The following UNKL variants were observed in gnomAD, a reference collection of about 807,000 sequenced individuals.
UNKL encodes the protein putative E3 ubiquitin-protein ligase UNKL.
In UNKL, 60 loss-of-function variants were observed where a neutral mutation model predicts 78.0. The observed-to-expected ratio is 0.77, with a 90% CI of 0.63 to 0.95. The LOEUF (loss-of-function observed/expected upper bound fraction) is 0.95. Ranked by LOEUF, UNKL falls within the 40% of genes least tolerant of loss-of-function variation. The pLI is 0.00. For synonymous variants in UNKL, 608 were observed against 474.8 expected (o/e 1.28, Z -3.65); for missense variants, 1,159 against 1,045.7 (o/e 1.11, Z -1.49).
chr16:1,401,477 C>T, intron 4 of UNKL, 91 bp downstream of exon 4: 1 of 1,355,952 alleles, frequency 7.4e-7, no homozygotes, highest in South Asian at 1.9e-5. Context: ...TGCACGTAAA[C>T]TGAAAGGCAC....
In UNKL at chr16:1,406,218, AT is replaced by A. The variant is rs11410204; in HGVS notation, c.288-2875del. 8.9e-3 allele frequency: 2,583 copies of A among 290,806 alleles called. 1 individual carries two copies. Among genetic ancestry groups the A allele is most frequent in the South Asian group, 0.014 (479 of 34,770 alleles). 18.0% of individuals were successfully genotyped at this position (290,806 alleles called of 1,614,324 possible). A position where few individuals can be genotyped will look rare whatever the true frequency, so the allele number is the denominator to read the frequency against. ...ACTCCCATGCCGGGCTATATTGCTA[AT>A]TTTTTTTTTTTTTGAGACAGAGTCT... On this transcript the variant is annotated intron_variant, in intron 2 of 14. Coordinates refer to ENST00000389221, the MANE Select transcript of UNKL (RefSeq NM_001372107.1).
chr16:1,398,640 A>C, intron 5 of UNKL: 6 of 1,437,044 alleles, frequency 4.2e-6, no homozygotes, highest in East Asian at 2.6e-5. Context: ...CAGGGAGGCC[A>C]AGGCCATGGC....
chr16:1,406,175 G>C, intron 2 of UNKL: 1 of 393,686 alleles, frequency 2.5e-6, no homozygotes, highest in Admixed American at 3.0e-5. Context: ...AGCTGGGGGT[G>C]ATGGGAGGAA....
chr16:1,396,988 C>A, intron 6 of UNKL, 190 bp downstream of exon 6: 1 of 603,250 alleles, frequency 1.7e-6, no homozygotes, highest in South Asian at 2.0e-5. Context: ...TGAGGGCAGC[C>A]CGAAGGCCAG....
At chr16:1,392,828 T>A (rs1278273856) in intron 8 of UNKL, 63 bp downstream of exon 8, 1 of 1,527,354 alleles carries the variant, frequency 6.5e-7, no homozygotes, top group Non-Finnish European at 8.9e-7. Context: ...TCCATCCACA[T>A]CCCTAAGAGT....
chr16:1,397,019 G>A (rs1158699587), intron 6 of UNKL, 159 bp downstream of exon 6: 3 of 717,096 alleles, frequency 4.2e-6, no homozygotes, highest in Non-Finnish European at 4.6e-6. Context: ...AAGCAAGCAG[G>A]TACAGCCCTC....
chr16:1,370,369 G>A lies in UNKL; in HGVS notation c.1358-12C>T, dbSNP rs763546888. The A allele has an allele frequency of 2.0e-5, 31 of 1,531,592 alleles. No homozygotes were observed. The highest frequency in any genetic ancestry group is 1.2e-4 in the Admixed American group (6 of 50,248). 94.9% of individuals were successfully genotyped at this position (1,531,592 alleles called of 1,614,324 possible). ...CAGCGACCTGGGACCTGGCGGGGGC[G>A]GACCAGTCAGCGAAGGGAGTACCGC... On this transcript the variant is annotated splice_polypyrimidine_tract_variant and intron_variant, in intron 11 of 14. Transcript: ENST00000389221.
intron 5 of UNKL, chr16:1,398,960 G>GC: frequency 6.5e-7 from 1 of 1,531,968 alleles, no homozygotes; most frequent in Non-Finnish European, 8.8e-7. Flanking sequence ...ACAAGATTGA[G>GC]CCCAGGTGAC....
intron 14 of UNKL, among the ~76,000 whole-genome samples, chr16:1,366,627 C>A (rs985321915): frequency 2.0e-5 from 3 of 152,188 alleles, no homozygotes; most frequent in African/African-American, 7.2e-5. Flanking sequence ...CCTCCTGGGG[C>A]CACCACAGAC....
chr16:1,391,229 C>T (rs1332849806), intron 8 of UNKL, among the ~76,000 whole-genome samples: 1 of 146,402 alleles, frequency 6.8e-6, no homozygotes, highest in East Asian at 2.0e-4. Flanking sequence ...TACTCTTGGT[C>T]CCTTAAAGAT....
At chr16:1,372,136 T>A (rs1055500359) in intron 10 of UNKL, among the ~76,000 whole-genome samples, 4 of 149,162 alleles carry the variant, frequency 2.7e-5, no homozygotes, top group Admixed American at 2.7e-4. Flanking sequence ...TGGTGGCGGG[T>A]GCCTGTAGTC....
intron 3 of UNKL, among the ~76,000 whole-genome samples, chr16:1,402,164 G>A (rs111684632): frequency 1.0e-4 from 15 of 150,508 alleles, no homozygotes; most frequent in African/African-American, 2.2e-4. Context: ...AGTGCCTCAC[G>A]GCCTCAACCC....
intron 10 of UNKL, among the ~76,000 whole-genome samples, chr16:1,382,402 T>C (rs919368155): frequency 2.0e-4 from 30 of 152,274 alleles, no homozygotes; most frequent in African/African-American, 5.8e-4. Flanking sequence ...GGCAGCCCCA[T>C]ACTCCCAGCC....
In UNKL at chr16:1,363,743, C is replaced by T. The variant is rs2035020802; in HGVS notation, c.*2497G>A. 1 of 162,304 alleles carries T rather than the reference C, an allele frequency of 6.2e-6. No individual in the cohort carries two copies. Among genetic ancestry groups the T allele is most frequent in the Admixed American group, 5.8e-5 (1 of 17,284 alleles). The allele number at this position is 162,304 out of a possible 1,614,324, so 10.1% of individuals were successfully genotyped here. A position where few individuals can be genotyped will look rare whatever the true frequency, so the allele number is the denominator to read the frequency against. Reference sequence around the variant, plus strand: ...AGGGAGGCCCCAGGGCACACAGCCCCAGGATCTTGCCCCCATTTCCAACCC... The same window carrying T: ...AGGGAGGCCCCAGGGCACACAGCCCTAGGATCTTGCCCCCATTTCCAACCC... On this transcript the variant is annotated 3_prime_UTR_variant, in exon 15 of 15. Coordinates refer to ENST00000389221, the MANE Select transcript of UNKL (RefSeq NM_001372107.1).
chr16:1,377,854 T>C (rs2036346999), intron 10 of UNKL, among the ~76,000 whole-genome samples: 1 of 152,108 alleles, frequency 6.6e-6, no homozygotes, highest in Admixed American at 6.5e-5. Context: ...CAGGATCCCT[T>C]CCTCATGGGC....
In UNKL at chr16:1,399,508, A is replaced by G. The variant is rs1475048459; in HGVS notation, c.600T>C (p.Asp200=). ...TGTAGCTGCCCAGCACGAAGTTGGC[A>G]TCTGAAAAATGGGCCACACGGTGCC... ...KILSEDPRWQ[D]ANFVLGSYKT... is the part of the protein sequence containing the mutation. Residue 200 remains aspartate (D), a splice_region_variant and synonymous_variant, in exon 5 of 15, where the codon GAT becomes GAC. Coordinates refer to ENST00000389221, the MANE Select transcript of UNKL (RefSeq NM_001372107.1). This position sits in a 1 kb window ranked among gnomAD's most constrained non-coding sequence, Gnocchi z 5.8. 2 of 1,595,242 alleles carry G rather than the reference A, an allele frequency of 1.3e-6. No homozygotes were observed. Among genetic ancestry groups the G allele is most frequent in the Non-Finnish European group, 1.7e-6 (2 of 1,171,938 alleles).
chr16:1,390,570 C>G, intron 9 of UNKL, 62 bp downstream of exon 9: 1 of 1,511,548 alleles, frequency 6.6e-7, no homozygotes, highest in Non-Finnish European at 8.9e-7. Flanking sequence ...GGCACGAGGG[C>G]GGGAAGCCTC....
chr16:1,367,594 C>T (rs1189345517), intron 13 of UNKL, 62 bp downstream of exon 13: 9 of 1,360,304 alleles, frequency 6.6e-6, no homozygotes, highest in African/African-American at 4.1e-5. Flanking sequence ...CCCCCACACG[C>T]TCACCTGAGT....
chr16:1,404,077 G>A (rs527865110), intron 2 of UNKL, among the ~76,000 whole-genome samples: 4 of 152,272 alleles, frequency 2.6e-5, no homozygotes, highest in African/African-American at 9.6e-5. Context: ...GACACAAACC[G>A]CTCTGGCATT....
Sources: gnomAD v4.1 joint callset for allele counts (sites outside exome capture counted in the v4.1 genomes callset) on GRCh38, gnomAD v4.1.1 for gene constraint, Gnocchi (gnomAD v3.1) non-coding constraint, MANE v1.5 for transcripts, NCBI Gene and HGNC (gene_info 2026-07-23, HGNC 2026-07-21) for gene names.